The following CBFA2T3 variants were observed in gnomAD, a reference collection of about 807,000 sequenced individuals.
CBFA2T3 encodes the protein transcriptional corepressor CBFA2T3.
Under a neutral mutation model 58.6 loss-of-function variants are expected in CBFA2T3, and 31 were observed. That is an observed-to-expected ratio of 0.53 (90% CI 0.40 to 0.71). CBFA2T3 has a LOEUF of 0.71. Ranked by LOEUF, CBFA2T3 falls within the 30% of genes least tolerant of loss-of-function variation. The pLI is 0.00. For missense variants in CBFA2T3, 1,076 were observed against 963.1 expected (o/e 1.12, Z -1.55); for synonymous variants, 531 against 421.9 (o/e 1.26, Z -3.17).
intron 1 of CBFA2T3, among the ~76,000 whole-genome samples, chr16:88,944,987 C>G (rs1424267513): frequency 6.6e-6 from 1 of 152,224 alleles, no homozygotes; most frequent in African/African-American, 2.4e-5. Context: ...GGAGGCCAGG[C>G]CATCACTGTT....
rs2142518303 is a variant in CBFA2T3 at position 88,876,156 on chromosome 16, A to G, written c.*820T>C. On this transcript the variant is annotated 3_prime_UTR_variant, in exon 12 of 12. Coordinates refer to ENST00000268679, the MANE Select transcript of CBFA2T3 (RefSeq NM_005187.6). The stretch of plus-strand genomic sequence containing the variant: ...TGATTTCTTGTGTTTGCTTTTTTGG[A>G]TTTCCTTTGGAGCAGAGGTGTGTCC... 1 of 232,296 alleles carries G rather than the reference A, an allele frequency of 4.3e-6. No homozygotes were observed. The highest frequency in any genetic ancestry group is 1.8e-4 in the South Asian group (1 of 5,520). The allele number at this position is 232,296 out of a possible 1,614,324, so 14.4% of individuals were successfully genotyped here.
At chr16:88,944,229 C>T (rs1184955536) in intron 1 of CBFA2T3, among the ~76,000 whole-genome samples, 1 of 147,602 alleles carries the variant, frequency 6.8e-6, no homozygotes, top group African/African-American at 2.5e-5. Context: ...CCCAGCTACT[C>T]GGGAGGCTGA....
At chr16:88,950,039 C>T (rs1972011880) in intron 1 of CBFA2T3, among the ~76,000 whole-genome samples, 1 of 152,016 alleles carries the variant, frequency 6.6e-6, no homozygotes, top group Non-Finnish European at 1.5e-5. Flanking sequence ...AACGAAAACC[C>T]CCGCCACTCT....
At chr16:88,899,148 T>A (rs1019126001) in intron 2 of CBFA2T3, among the ~76,000 whole-genome samples, 3 of 143,032 alleles carry the variant, frequency 2.1e-5, no homozygotes, top group African/African-American at 7.9e-5. Context: ...CAAGAGAAAC[T>A]TCGGCCCTCA....
At position 88,885,330 on chromosome 16, in the gene CBFA2T3, G is replaced by A. The variant is rs559794551; in HGVS notation, c.894-61C>T. On this transcript the variant is annotated intron_variant, in intron 6 of 11. Coordinates refer to ENST00000268679, the MANE Select transcript of CBFA2T3 (RefSeq NM_005187.6). The surrounding 1 kb of genome is among the most constrained non-coding windows in gnomAD (Gnocchi z 5.3). ...CATAGGATGAACCGGGGACAGAGGT[G>A]CAGGTGGGGTGAGAGGCAGACAGGC... The A allele has an allele frequency of 1.6e-6, 2 of 1,231,962 alleles. No individual in the cohort carries two copies. Among genetic ancestry groups the A allele is most frequent in the East Asian group, 5.3e-5 (2 of 37,708 alleles). 76.3% of individuals were successfully genotyped at this position (1,231,962 alleles called of 1,614,324 possible). A position where few individuals can be genotyped will look rare whatever the true frequency, so the allele number is the denominator to read the frequency against.
intron 1 of CBFA2T3, chr16:88,941,172 G>A (rs1478666463): frequency 6.1e-6 from 6 of 982,222 alleles, no homozygotes; most frequent in African/African-American, 3.5e-5. Flanking sequence ...TCAGGCGCGC[G>A]GCGGGGCTGG....
chr16:88,965,971 G>C (rs920208331), intron 1 of CBFA2T3, among the ~76,000 whole-genome samples: 4 of 152,226 alleles, frequency 2.6e-5, no homozygotes, highest in Admixed American at 2.0e-4. Context: ...GCTGATGTCA[G>C]GGGAGGGGAC....
At chr16:88,907,282 G>C (rs1970370931) in intron 1 of CBFA2T3, among the ~76,000 whole-genome samples, 1 of 152,078 alleles carries the variant, frequency 6.6e-6, no homozygotes, top group South Asian at 2.1e-4. Context: ...TGGGGCACCT[G>C]CTGTCCCCAC....
At chr16:88,970,977 G>T (rs563722418) in intron 1 of CBFA2T3, among the ~76,000 whole-genome samples, 4 of 152,308 alleles carry the variant, frequency 2.6e-5, no homozygotes, top group African/African-American at 9.6e-5. Flanking sequence ...ACAGGCACGG[G>T]CTCGGGAGGC....
intron 1 of CBFA2T3, among the ~76,000 whole-genome samples, chr16:88,945,675 C>G (rs76649707): frequency 0.011 from 1,662 of 152,252 alleles, 33 homozygotes; most frequent in African/African-American, 0.036. Flanking sequence ...ACCCCAGATG[C>G]CGGTGAGGAT....
rs1245160407 is a variant in CBFA2T3, at chr16:88,946,307, C to G, written c.151+30350G>C. On this transcript the variant is annotated intron_variant, in intron 1 of 11. Transcript: ENST00000268679. ...CACCCTGGGCAACAGAGCAACACTC[C>G]ATCTCAAAAAGAAAAAAAAAAGTGA... Among the ~76,000 whole-genome samples, 9 of 151,124 alleles carry G rather than the reference C, an allele frequency of 6.0e-5. No individual in the cohort carries two copies. The South Asian group carries it at 1.9e-3, about 32-fold the overall frequency.
chr16:88,930,230 C>G (rs1324360721), intron 1 of CBFA2T3, among the ~76,000 whole-genome samples: 3 of 150,244 alleles, frequency 2.0e-5, no homozygotes, highest in Non-Finnish European at 4.4e-5. Context: ...ATACCCACAG[C>G]TGCATCGTCC....
At chr16:88,956,162 T>C (rs1972215008) in intron 1 of CBFA2T3, among the ~76,000 whole-genome samples, 1 of 152,234 alleles carries the variant, frequency 6.6e-6, no homozygotes. Flanking sequence ...AGGAGAGCCG[T>C]GGAGGGCAGC....
intron 1 of CBFA2T3, among the ~76,000 whole-genome samples, chr16:88,947,337 TACAA>T (rs1422944003): frequency 2.0e-5 from 3 of 152,218 alleles, no homozygotes; most frequent in African/African-American, 7.2e-5. Flanking sequence ...AAAAGACAGA[TACAA>T]ACAGACTCTT....
At chr16:88,882,070 G>A (rs1266046480) in intron 8 of CBFA2T3, among the ~76,000 whole-genome samples, 1 of 152,268 alleles carries the variant, frequency 6.6e-6, no homozygotes, top group Non-Finnish European at 1.5e-5. Context: ...CCGCCATGAG[G>A]GTTTTAGGAA....
intron 1 of CBFA2T3, among the ~76,000 whole-genome samples, chr16:88,912,306 G>A (rs954109164): frequency 5.3e-5 from 8 of 152,358 alleles, no homozygotes; most frequent in Admixed American, 3.9e-4. Flanking sequence ...AAAGAAATGC[G>A]GAAGATGGGA....
Position 88,883,746 on chromosome 16 carries a change from C to G in CBFA2T3, c.1118-985G>C, listed in dbSNP as rs561114506. The G allele has an allele frequency of 1.5e-4, 23 of 151,668 alleles. 1 individual carries two copies. Among genetic ancestry groups the G allele is most frequent in the African/African-American group, 5.6e-4 (23 of 41,264 alleles). 9.4% of individuals were successfully genotyped at this position (151,668 alleles called of 1,614,324 possible). ...GCCCACGGGAGACGTGAGTGATGCC[C>G]GGCAGTGGCCAACTCTTCTGCGGTG... On this transcript the variant is annotated intron_variant, in intron 7 of 11. Coordinates refer to ENST00000268679, the MANE Select transcript of CBFA2T3 (RefSeq NM_005187.6).
chr16:88,923,013 C>T (rs1970970884), intron 1 of CBFA2T3, among the ~76,000 whole-genome samples: 1 of 152,242 alleles, frequency 6.6e-6, no homozygotes, highest in Admixed American at 6.5e-5. Flanking sequence ...CTCTACACGG[C>T]TCTTTACAGG....
chr16:88,926,583 C>G (rs900084818), intron 1 of CBFA2T3, among the ~76,000 whole-genome samples: 3 of 152,198 alleles, frequency 2.0e-5, no homozygotes, highest in African/African-American at 7.2e-5. Context: ...GGTCAGCCAA[C>G]GAGCTTTGTG....
Sources: allele counts gnomAD v4.1 joint callset (sites outside exome capture counted in the v4.1 genomes callset), GRCh38; gene constraint gnomAD v4.1.1; non-coding constraint Gnocchi (gnomAD v3.1); transcripts MANE v1.5; gene names NCBI Gene and HGNC (gene_info 2026-07-23, HGNC 2026-07-21).